Variants in PLEKHA6 observed in about 807,000 individuals in gnomAD.
PLEKHA6 encodes pleckstrin homology domain-containing family A member 6.
A neutral mutation model predicts 116.7 loss-of-function variants in PLEKHA6; 60 were observed. The ratio of observed to expected loss-of-function variants is 0.51; its 90% CI spans 0.42 to 0.64. PLEKHA6 has a LOEUF of 0.64. Ranked by LOEUF, PLEKHA6 falls within the 30% of genes least tolerant of loss-of-function variation. The probability of loss-of-function intolerance (pLI) is 0.00; values close to 1 mark genes in which losing one functional copy is unlikely to be tolerated. For synonymous variants in PLEKHA6, 489 were observed against 556.1 expected (o/e 0.88, Z 1.70); for missense variants, 1,338 against 1,422.7 (o/e 0.94, Z 0.96).
intron 1 of PLEKHA6, chr1:204,301,037 C>T (rs1670764110): frequency 1.3e-5 from 2 of 155,408 alleles, no homozygotes; most frequent in African/African-American, 2.4e-5. Flanking sequence ...TCATGTGACG[C>T]TCTCAGTCTG....
chr1:204,289,796 C>T (rs1016334591), intron 1 of PLEKHA6, among the ~76,000 whole-genome samples: 4 of 152,176 alleles, frequency 2.6e-5, no homozygotes, highest in African/African-American at 9.7e-5. Context: ...AAATGCCCTG[C>T]CCCTTGATAT....
Position 204,356,820 on chromosome 1 carries a change from G to T in PLEKHA6, c.-95+2874C>A, listed in dbSNP as rs191315062. 6.6e-5 allele frequency among the ~76,000 whole-genome samples: 10 copies of T among 152,170 alleles called. No homozygotes were observed. In the South Asian group the frequency reaches 8.3e-4, roughly 13 times the overall value. On this transcript the variant is annotated intron_variant, in intron 1 of 22. Coordinates refer to ENST00000272203, the MANE Select transcript of PLEKHA6 (RefSeq NM_014935.5). ...TTTAGGTTTTTCTACATTTTTAAAT[G>T]ACAATGTATTACTTTTACACTCACA... is the stretch of plus-strand genomic sequence containing the variant.
At chr1:204,240,141 T>G (rs1440383385) in intron 17 of PLEKHA6, among the ~76,000 whole-genome samples, 2 of 152,064 alleles carry the variant, frequency 1.3e-5, no homozygotes, top group Non-Finnish European at 2.9e-5. Flanking sequence ...CACTCCACAA[T>G]GGAAATAAGG....
At chr1:204,240,235 C>T (rs1166641383) in intron 17 of PLEKHA6, among the ~76,000 whole-genome samples, 2 of 152,206 alleles carry the variant, frequency 1.3e-5, no homozygotes, top group African/African-American at 2.4e-5. Flanking sequence ...TGGGAAACTA[C>T]AACAGCTTAA....
intron 1 of PLEKHA6, among the ~76,000 whole-genome samples, chr1:204,287,289 A>C (rs1053137909): frequency 6.6e-6 from 1 of 150,824 alleles, no homozygotes; most frequent in Non-Finnish European, 1.5e-5. Flanking sequence ...ACAGAGAGAT[A>C]GCATCAGCTG....
upstream of PLEKHA6, among the ~76,000 whole-genome samples, chr1:204,361,806 G>T (rs1404913123): frequency 1.3e-5 from 2 of 152,202 alleles, no homozygotes; most frequent in Non-Finnish European, 2.9e-5. Flanking sequence ...GGGCTCTTGG[G>T]GGTCTCTGAC....
At chr1:204,275,260 C>T (rs1355760194) in intron 1 of PLEKHA6, among the ~76,000 whole-genome samples, 1 of 152,180 alleles carries the variant, frequency 6.6e-6, no homozygotes, top group African/African-American at 2.4e-5. Flanking sequence ...TTGGACTCCT[C>T]CTCCTTCTCC....
At chr1:204,328,470 C>T (rs544316481) in intron 1 of PLEKHA6, among the ~76,000 whole-genome samples, 3 of 151,804 alleles carry the variant, frequency 2.0e-5, no homozygotes, top group African/African-American at 7.3e-5. Context: ...CATCTCGGCT[C>T]ACTGCAACCT....
At chr1:204,274,184 A>G (rs1667774476) in intron 2 of PLEKHA6, among the ~76,000 whole-genome samples, 1 of 151,908 alleles carries the variant, frequency 6.6e-6, no homozygotes, top group African/African-American at 2.4e-5. Flanking sequence ...CTCCCACCTT[A>G]GCTTCCCAAA....
intron 3 of PLEKHA6, among the ~76,000 whole-genome samples, chr1:204,269,749 C>T (rs1265552155): frequency 6.6e-6 from 1 of 152,200 alleles, no homozygotes; most frequent in African/African-American, 2.4e-5. Flanking sequence ...CCTTCCAAGG[C>T]TAAACACTTC....
chr1:204,241,391 T>C lies in PLEKHA6; in HGVS notation c.2393A>G (p.Asn798Ser). ...GGTACCCACCTGGGAGGAGAGTCCA[T>C]TGGTGAGCCCACTGGCATTCCTTCT... The part of the protein sequence containing the change: ...VVRRNASGLT[N>S]GLSSQERPKS... Residue 798 changes from asparagine (N) to serine (S), a missense_variant, in exon 17 of 23, where the codon AAT becomes AGT. By Grantham distance (46) the Asn-to-Ser change is conservative. Coordinates refer to ENST00000272203, the MANE Select transcript of PLEKHA6 (RefSeq NM_014935.5). 1.2e-6 allele frequency: 2 copies of C among 1,607,508 alleles called. No homozygotes were observed. Among genetic ancestry groups the C allele is most frequent in the Non-Finnish European group, 1.7e-6 (2 of 1,175,368 alleles).
intron 1 of PLEKHA6, among the ~76,000 whole-genome samples, chr1:204,330,583 C>G (rs1672408757): frequency 6.6e-6 from 1 of 151,710 alleles, no homozygotes; most frequent in South Asian, 2.3e-4. Flanking sequence ...GGCCAGGCCT[C>G]TGGAGGTCCT....
chr1:204,281,533 A>AAAAAAAC (rs10684253), intron 1 of PLEKHA6, among the ~76,000 whole-genome samples: 5,577 of 103,724 alleles, frequency 0.054, 336 homozygotes, highest in African/African-American at 0.16. Context: ...TCAAAAAAAC[A>AAAAAAAC]AAAAAAACAG....
intron 1 of PLEKHA6, among the ~76,000 whole-genome samples, chr1:204,296,808 C>T (rs1340430780): frequency 6.6e-6 from 1 of 152,230 alleles, no homozygotes; most frequent in Admixed American, 6.5e-5. Flanking sequence ...ACACACTACT[C>T]AGAGCAGAGA....
intron 1 of PLEKHA6, among the ~76,000 whole-genome samples, chr1:204,371,989 G>A (rs1465898829): frequency 2.0e-5 from 3 of 152,208 alleles, no homozygotes; most frequent in African/African-American, 4.8e-5. Flanking sequence ...AAGGCTTCAC[G>A]GCAGAGGCAA....
At chr1:204,236,783 G>C (rs1033996006) in intron 17 of PLEKHA6, among the ~76,000 whole-genome samples, 2 of 152,096 alleles carry the variant, frequency 1.3e-5, no homozygotes, top group Admixed American at 1.3e-4. Context: ...CAAGCAGAAA[G>C]CTTCCAAGTC....
At chr1:204,343,999 T>C (rs1672939136) in intron 1 of PLEKHA6, among the ~76,000 whole-genome samples, 1 of 152,110 alleles carries the variant, frequency 6.6e-6, no homozygotes, top group South Asian at 2.1e-4. Flanking sequence ...AGACTAAAAC[T>C]TGGCCAGAAC....
At chr1:204,360,414 A>G (rs1673533946), upstream of PLEKHA6, among the ~76,000 whole-genome samples, 1 of 149,444 alleles carries the variant, frequency 6.7e-6, no homozygotes, top group African/African-American at 2.4e-5. Context: ...ATTTAGAGAA[A>G]TAACATTTGG....
At chr1:204,361,763 G>T (rs1305477166), upstream of PLEKHA6, among the ~76,000 whole-genome samples, 1 of 152,236 alleles carries the variant, frequency 6.6e-6, no homozygotes, top group African/African-American at 2.4e-5. Context: ...GTGCAGGCAG[G>T]GGGAGAGTCT....
Sources: allele counts gnomAD v4.1 joint callset (sites outside exome capture counted in the v4.1 genomes callset), GRCh38; gene constraint gnomAD v4.1.1; transcripts MANE v1.5; gene names NCBI Gene and HGNC (gene_info 2026-07-23, HGNC 2026-07-21).